The following ACCSL variants were observed in gnomAD, a reference collection of about 807,000 sequenced individuals.
The protein encoded by ACCSL is probable inactive 1-aminocyclopropane-1-carboxylate synthase-like protein 2.
Under a neutral mutation model 61.7 loss-of-function variants are expected in ACCSL, and 55 were observed. The ratio of observed to expected loss-of-function variants is 0.89; its 90% CI spans 0.72 to 1.12. The LOEUF (loss-of-function observed/expected upper bound fraction) is 1.12. Among genes scored for constraint, ACCSL ranks in the 50% most tolerant of loss-of-function variants. ACCSL has a pLI of 0.00. For synonymous variants in ACCSL, 258 were observed against 264.3 expected (o/e 0.98, Z 0.23); for missense variants, 632 against 698.0 (o/e 0.91, Z 1.07).
At chr11:44,057,259 C>G (rs904838464) in intron 11 of ACCSL, among the ~76,000 whole-genome samples, 3 of 152,130 alleles carry the variant, frequency 2.0e-5, no homozygotes, top group Non-Finnish European at 4.4e-5. Context: ...AGAACAGATA[C>G]CAAGCTGAAA....
chr11:44,040,331 A>C, the ACCSL span, among the ~76,000 whole-genome samples: 3 of 152,188 alleles, frequency 2.0e-5, no homozygotes. Flanking sequence ...GTCCTGTAGC[A>C]CTTGATTAGT....
the ACCSL span, among the ~76,000 whole-genome samples, chr11:43,949,699 C>T: frequency 6.6e-6 from 1 of 152,272 alleles, no homozygotes; most frequent in Non-Finnish European, 1.5e-5. Context: ...CCTGTAATCC[C>T]AGCTACTTGG....
At chr11:44,000,312 A>G in the ACCSL span, among the ~76,000 whole-genome samples, 1 of 152,120 alleles carries the variant, frequency 6.6e-6, no homozygotes, top group Admixed American at 6.5e-5. Flanking sequence ...TTTAGTAGAG[A>G]CAAGGTTTCG....
At chr11:44,058,178 T>A (rs759566018) in intron 11 of ACCSL, 139 bp from the exon 12 acceptor site, 177 of 1,119,084 alleles carry the variant, frequency 1.6e-4, no homozygotes, top group Non-Finnish European at 2.1e-4. Context: ...GGTTTTTTTG[T>A]TTTTTTTAAA....
the ACCSL span, among the ~76,000 whole-genome samples, chr11:43,957,494 G>C: frequency 4.6e-5 from 7 of 152,126 alleles, no homozygotes; most frequent in Non-Finnish European, 7.3e-5. Flanking sequence ...GCTTCAGAGG[G>C]AATAGATGGT....
In ACCSL at chr11:44,048,284, A is replaced by T; in HGVS notation, c.248A>T (p.Gln83Leu). 1.2e-6 allele frequency: 2 copies of T among 1,614,010 alleles called. No individual in the cohort carries two copies. Among genetic ancestry groups the T allele is most frequent in the Non-Finnish European group, 1.7e-6 (2 of 1,179,988 alleles). Reference sequence around the variant, plus strand: ...ATATGCCGGATGATCAACCTCCTACAGTCTGGGGCCGCGAGTGGCCTGGAG... The same window carrying T: ...ATATGCCGGATGATCAACCTCCTACTGTCTGGGGCCGCGAGTGGCCTGGAG... Reference protein sequence around the residue: ...RLICRMINLLQSGAASGLELQ... With the variant: ...RLICRMINLLLSGAASGLELQ... The change falls in exon 1 of 14, where the codon CAG becomes CTG. Residue 83 changes from glutamine to leucine, a missense_variant. Gln to Leu is a moderately radical substitution (Grantham distance 113). Transcript: ENST00000378832.
chr11:44,014,856 C>G, the ACCSL span, among the ~76,000 whole-genome samples: 1 of 152,194 alleles, frequency 6.6e-6, no homozygotes, highest in Non-Finnish European at 1.5e-5. Flanking sequence ...GCCTGGGCCT[C>G]TAAAGCGCTC....
chr11:43,923,267 C>G, the ACCSL span, among the ~76,000 whole-genome samples: 4 of 152,214 alleles, frequency 2.6e-5, no homozygotes, highest in African/African-American at 9.6e-5. Context: ...GGGAATATTT[C>G]TTCTTTGAGT....
chr11:43,979,963 A>G, the ACCSL span, among the ~76,000 whole-genome samples: 1 of 151,834 alleles, frequency 6.6e-6, no homozygotes, highest in South Asian at 2.1e-4. Flanking sequence ...AATCACCACC[A>G]CTCCCTGATA....
In ACCSL at chr11:44,051,347, AG is replaced by A; in HGVS notation, c.649del (p.Val217TrpfsTer5). 6.2e-7 allele frequency: 1 copy of A among 1,614,186 alleles called. No homozygotes were observed. Among genetic ancestry groups the A allele is most frequent in the Non-Finnish European group, 8.5e-7 (1 of 1,180,030 alleles). The part of the protein sequence containing the change: ...WRGQPFLREE[V>X]ARFLTYYCRA... ...GGTCTGTTTACAGCCTGCGGGAAGA[AG>A]TGGCCCGGTTCCTGACCTACTACTG... On this transcript the variant is annotated frameshift_variant, in exon 4 of 14. Coordinates refer to ENST00000378832, the MANE Select transcript of ACCSL (RefSeq NM_001031854.2). LOFTEE classifies it high-confidence loss of function.
At chr11:43,990,053 A>G in the ACCSL span, among the ~76,000 whole-genome samples, 2 of 152,196 alleles carry the variant, frequency 1.3e-5, no homozygotes, top group African/African-American at 4.8e-5. Flanking sequence ...CTCCCTTCCC[A>G]GAGCCCTGAC....
the ACCSL span, among the ~76,000 whole-genome samples, chr11:43,981,188 C>G: frequency 6.6e-6 from 1 of 152,204 alleles, no homozygotes; most frequent in Non-Finnish European, 1.5e-5. Flanking sequence ...GCCTGGGGAC[C>G]TCTGGGAGCT....
the ACCSL span, among the ~76,000 whole-genome samples, chr11:43,962,007 C>CT: frequency 2.6e-5 from 4 of 152,166 alleles, no homozygotes. Context: ...TCAATAAGTT[C>CT]TTTCATCCCT....
chr11:43,945,192 G>A, the ACCSL span: 1 of 152,292 alleles, frequency 6.6e-6, no homozygotes, highest in South Asian at 2.1e-4. Context: ...CCACTGTGGT[G>A]GGGTATCATG....
the ACCSL span, among the ~76,000 whole-genome samples, chr11:44,008,643 A>G: frequency 6.6e-6 from 1 of 152,200 alleles, no homozygotes; most frequent in African/African-American, 2.4e-5. Flanking sequence ...AACCTGGGCA[A>G]GTTATTTTGC....
chr11:43,924,413 C>CGGGA, the ACCSL span, among the ~76,000 whole-genome samples: 2 of 152,186 alleles, frequency 1.3e-5, no homozygotes, highest in Admixed American at 6.5e-5. Context: ...GGAGCCCCAG[C>CGGGA]GGGAGCTCAC....
the ACCSL span, among the ~76,000 whole-genome samples, chr11:43,964,818 G>A: frequency 0.16 from 22,168 of 141,388 alleles, 1,779 homozygotes; most frequent in Middle Eastern, 0.35. Flanking sequence ...AATACACCAC[G>A]TTAAGACAAC....
chr11:43,978,783 G>GTTTTTTTTT, the ACCSL span, among the ~76,000 whole-genome samples: 2 of 79,082 alleles, frequency 2.5e-5, no homozygotes, highest in African/African-American at 4.8e-5. Context: ...GAGAAGGTGG[G>GTTTTTTTTT]TTTTTTTTTT....
chr11:43,992,253 A>G, the ACCSL span, among the ~76,000 whole-genome samples: 1 of 151,012 alleles, frequency 6.6e-6, no homozygotes, highest in Admixed American at 6.6e-5. Context: ...CGGGTTTTGC[A>G]TGTTGCCCAG....
Sources: gnomAD v4.1 joint callset for allele counts (sites outside exome capture counted in the v4.1 genomes callset) on GRCh38, gnomAD v4.1.1 for gene constraint, MANE v1.5 for transcripts, NCBI Gene and HGNC (gene_info 2026-07-23, HGNC 2026-07-21) for gene names.